The following ADGRB3 variants were observed in gnomAD, a reference collection of about 807,000 sequenced individuals.
ADGRB3 encodes brain-specific angiogenesis inhibitor 3.
Under a neutral mutation model 193.4 loss-of-function variants are expected in ADGRB3, and 37 were observed. That is an observed-to-expected ratio of 0.19 (90% CI 0.15 to 0.25). The LOEUF (loss-of-function observed/expected upper bound fraction) is 0.25. ADGRB3 is among the 10% of genes least tolerant of loss of function. ADGRB3 has a pLI of 1.00. For synonymous variants in ADGRB3, 690 were observed against 644.2 expected (o/e 1.07, Z -1.08); for missense variants, 1,637 against 1,852.9 (o/e 0.88, Z 2.14).
Position 69,018,395 on chromosome 6 carries a change from A to T in ADGRB3, c.2003A>T (p.Tyr668Phe), listed in dbSNP as rs1770159517. ...AACCTTTGCTTATTTTTCTAGATTT[A>T]TCCAGGGTCAATAGAGTTAATGCAG... ...KEKWEDAQQI[Y>F]PGSIELMQVI... Residue 668 changes from tyrosine to phenylalanine, a missense_variant, in exon 13 of 32, where the codon TAT becomes TTT. Around this residue, in one of 7 missense-constraint regions of ADGRB3, gnomAD observed 641 missense variants for 673.9 expected, o/e 0.95. Coordinates refer to ENST00000370598, the MANE Select transcript of ADGRB3 (RefSeq NM_001704.3). 1 of 1,589,368 alleles carries T rather than the reference A, an allele frequency of 6.3e-7. No individual in the cohort carries two copies. The highest frequency in any genetic ancestry group is 1.3e-5 in the African/African-American group (1 of 74,286).
rs148959623 is a variant in ADGRB3 at position 69,209,490 on chromosome 6, G to A, written c.2481-23800G>A. On this transcript the variant is annotated intron_variant, in intron 17 of 31. Transcript: ENST00000370598. The stretch of plus-strand genomic sequence containing the variant: ...CCCAAATGTCTCACCAGTAAGTCCA[G>A]TGTGTTTGCTACTTCTTGCTCACTG... Among the ~76,000 whole-genome samples, 75 of 152,340 alleles carry A rather than the reference G, an allele frequency of 4.9e-4. No homozygotes were observed. In the East Asian group the frequency reaches 9.4e-3, roughly 19 times the overall value.
chr6:69,222,882 A>G (rs965116875), intron 17 of ADGRB3, among the ~76,000 whole-genome samples: 3 of 152,182 alleles, frequency 2.0e-5, no homozygotes, highest in African/African-American at 4.8e-5. Context: ...TGCAAAATTA[A>G]TATTAGTTTA....
chr6:68,707,769 T>C (rs1250181128), intron 3 of ADGRB3, among the ~76,000 whole-genome samples: 2 of 152,190 alleles, frequency 1.3e-5, no homozygotes, highest in Admixed American at 1.3e-4. Flanking sequence ...AAGAAATTAG[T>C]TATTATCATT....
intron 3 of ADGRB3, among the ~76,000 whole-genome samples, chr6:68,733,592 A>G (rs1376191992): frequency 6.6e-6 from 1 of 151,790 alleles, no homozygotes; most frequent in East Asian, 1.9e-4. Context: ...TAGACAATAT[A>G]ACCATGTAAC....
In ADGRB3 at chr6:69,031,519, C is replaced by CTCTTTCTTTTTCTTTCTTTCTT. The variant is rs1554248704; in HGVS notation, c.2107+13029_2107+13030insTTCTTTCTTTCTTTCTTTCTTT. Among the ~76,000 whole-genome samples, 49 of 21,270 alleles carry CTCTTTCTTTTTCTTTCTTTCTT rather than the reference C, an allele frequency of 2.3e-3. 1 individual carries two copies. The highest frequency in any genetic ancestry group is 5.3e-3 in the African/African-American group (45 of 8,416). 14.0% of individuals were successfully genotyped at this position (21,270 alleles called of 152,430 possible). A position where few individuals can be genotyped will look rare whatever the true frequency, so the allele number is the denominator to read the frequency against. ...CACAAACATTTTGAATTTGAGTTGT[C>CTCTTTCTTTTTCTTTCTTTCTT]TCTTTCTTTCTTTCTTTCTTTCTTT... On this transcript the variant is annotated intron_variant, in intron 13 of 31. Transcript: ENST00000370598.
In ADGRB3 at chr6:68,896,750, A is replaced by G. The variant is rs143178898; in HGVS notation, c.758-33809A>G. ...ATTTTAAAGAAAAGTAGCATTCTAA[A>G]TCATCGCCTATCCAATTTGATCATC... is the stretch of plus-strand genomic sequence containing the variant. On this transcript the variant is annotated intron_variant, in intron 3 of 31. Transcript: ENST00000370598. 7.3e-4 allele frequency among the ~76,000 whole-genome samples: 111 copies of G among 152,246 alleles called. 1 individual carries two copies. The East Asian group carries it at 0.02, about 28-fold the overall frequency.
At chr6:69,017,724 T>G (rs1770137811) in intron 12 of ADGRB3, among the ~76,000 whole-genome samples, 1 of 151,924 alleles carries the variant, frequency 6.6e-6, no homozygotes, top group South Asian at 2.1e-4. Flanking sequence ...TAGCCACTAT[T>G]AAAGATACAA....
chr6:69,338,627 T>C (rs1490442340), intron 24 of ADGRB3, among the ~76,000 whole-genome samples: 2 of 152,202 alleles, frequency 1.3e-5, no homozygotes, highest in African/African-American at 4.8e-5. Context: ...AAGCACATGC[T>C]TATGTTTAAC....
chr6:69,068,892 C>G (rs951601372), intron 16 of ADGRB3, among the ~76,000 whole-genome samples: 1 of 152,140 alleles, frequency 6.6e-6, no homozygotes. Context: ...ACATTTCTCA[C>G]TTCAGTGGCC....
chr6:69,335,887 T>C (rs1582640257), intron 24 of ADGRB3, among the ~76,000 whole-genome samples: 1 of 152,222 alleles, frequency 6.6e-6, no homozygotes, highest in South Asian at 2.1e-4. Flanking sequence ...TTCCCTTTCT[T>C]CTTTTTTATA....
Position 69,043,290 on chromosome 6 carries a change from G to GAGAAAGAAAGAAAGAAAGAAAGAAAGAA in ADGRB3, c.2108-4879_2108-4852dup, listed in dbSNP as rs145178367. ...GGAAAGAAAAGGAAAGGAAGAAAGA[G>GAGAAAGAAAGAAAGAAAGAAAGAAAGAA]AGAAAGAAAGAAAGAAAGAAAGAAA... On this transcript the variant is annotated intron_variant, in intron 13 of 31. Transcript: ENST00000370598. 3.2e-3 allele frequency among the ~76,000 whole-genome samples: 278 copies of GAGAAAGAAAGAAAGAAAGAAAGAAAGAA among 88,078 alleles called. 1 individual carries two copies. The highest frequency in any genetic ancestry group is 5.2e-3 in the African/African-American group (112 of 21,448). 57.8% of individuals were successfully genotyped at this position (88,078 alleles called of 152,430 possible).
intron 15 of ADGRB3, among the ~76,000 whole-genome samples, chr6:69,062,432 C>T (rs1363074385): frequency 1.3e-5 from 2 of 151,832 alleles, no homozygotes; most frequent in African/African-American, 4.8e-5. Context: ...TAATTAGCAA[C>T]AGCATTTATT....
At chr6:68,665,920 G>A (rs1015131934) in intron 3 of ADGRB3, among the ~76,000 whole-genome samples, 17 of 151,760 alleles carry the variant, frequency 1.1e-4, no homozygotes, top group Non-Finnish European at 2.9e-5. Flanking sequence ...CCCAAGATTA[G>A]CAGTGCAGTA....
At chr6:68,791,685 C>G (rs1308733645) in intron 3 of ADGRB3, among the ~76,000 whole-genome samples, 2 of 152,152 alleles carry the variant, frequency 1.3e-5, no homozygotes, top group African/African-American at 4.8e-5. Context: ...CATCTTCACC[C>G]TCTAAAAAGA....
intron 3 of ADGRB3, among the ~76,000 whole-genome samples, chr6:68,696,614 AT>A (rs1233485271): frequency 1.3e-5 from 2 of 151,764 alleles, no homozygotes; most frequent in African/African-American, 4.8e-5. Context: ...AATAAGAATA[AT>A]TTTTTTCACA....
At chr6:69,056,721 C>T (rs1771554877) in intron 15 of ADGRB3, among the ~76,000 whole-genome samples, 1 of 152,028 alleles carries the variant, frequency 6.6e-6, no homozygotes, top group African/African-American at 2.4e-5. Context: ...ATTGTGTAGC[C>T]TTAGCACCCT....
chr6:69,069,303 A>T (rs1772001470), intron 16 of ADGRB3, among the ~76,000 whole-genome samples: 1 of 151,996 alleles, frequency 6.6e-6, no homozygotes, highest in South Asian at 2.1e-4. Flanking sequence ...AACTGTTCAT[A>T]TGTTAAAAGA....
chr6:69,059,813 A>G (rs1179838545), intron 15 of ADGRB3, among the ~76,000 whole-genome samples: 5 of 152,168 alleles, frequency 3.3e-5, no homozygotes, highest in African/African-American at 1.2e-4. Flanking sequence ...TTTATTAGGC[A>G]TTTAATACCA....
At chr6:68,677,270 G>C (rs1769115813) in intron 3 of ADGRB3, among the ~76,000 whole-genome samples, 1 of 152,122 alleles carries the variant, frequency 6.6e-6, no homozygotes, top group African/African-American at 2.4e-5. Context: ...ACTAGTAAAA[G>C]ATGTACTGTC....
Sources: gnomAD v4.1 joint callset for allele counts (sites outside exome capture counted in the v4.1 genomes callset) on GRCh38, gnomAD v4.1.1 for gene constraint, gnomAD v4.1.1 regional missense constraint, MANE v1.5 for transcripts, NCBI Gene and HGNC (gene_info 2026-07-23, HGNC 2026-07-21) for gene names.